LIN52: variants seen among roughly 807,000 people sequenced by gnomAD.
LIN52 encodes lin-52 DREAM MuvB core complex component, also known as protein lin-52 homolog.
In LIN52, 4 loss-of-function variants were observed where a neutral mutation model predicts 18.5. The ratio of observed to expected loss-of-function variants is 0.22; its 90% confidence interval spans 0.11 to 0.49. The LOEUF is 0.49. Among genes scored for constraint, LIN52 ranks in the 20% least tolerant of loss-of-function variants. LIN52 has a pLI of 0.97. For synonymous variants in LIN52, 34 were observed against 45.5 expected, an observed-to-expected ratio of 0.75 and a Z score of 1.02; for missense variants, 102 against 139.5, an observed-to-expected ratio of 0.73 and a Z score of 1.35.
chr14:74,199,119 C>CCACCGAGA lies in LIN52; in HGVS notation c.*142_*143insCACCGAGA. On this transcript the variant is annotated 3_prime_UTR_variant, in exon 6 of 6. Coordinates refer to ENST00000555028, the MANE Select transcript of LIN52 (RefSeq NM_001024674.3). The stretch of plus-strand genomic sequence containing the variant: ...ACTGCCCTCTCCCCTGCTCCTGGCA[C>CCACCGAGA]TCTACACGTCTGAGGACATTCAGCA... 1.6e-6 allele frequency: 1 copy of CCACCGAGA among 609,846 alleles called. No homozygotes were observed. The highest frequency in any genetic ancestry group is 2.0e-5 in the South Asian group (1 of 49,398). The allele number at this position is 609,846 out of a possible 1,614,324, so 37.8% of individuals were successfully genotyped here. A position where few individuals can be genotyped will look rare whatever the true frequency, so the allele number is the denominator to read the frequency against.
At chr14:74,176,687 T>G (rs1421803395) in intron 5 of LIN52, among the ~76,000 whole-genome samples, 1 of 152,204 alleles carries the variant, frequency 6.6e-6, no homozygotes, top group South Asian at 2.1e-4. Flanking sequence ...TATAATCTTA[T>G]GGGACCACCA....
At chr14:74,176,819 A>T (rs2139580705) in intron 5 of LIN52, among the ~76,000 whole-genome samples, 1 of 152,290 alleles carries the variant, frequency 6.6e-6, no homozygotes, top group Admixed American at 6.5e-5. Flanking sequence ...GAAACTCCAT[A>T]TCCATTTGAG....
chr14:74,179,422 G>A (rs2061307395), intron 5 of LIN52, among the ~76,000 whole-genome samples: 1 of 152,116 alleles, frequency 6.6e-6, no homozygotes, highest in South Asian at 2.1e-4. Context: ...CACTTTGGAA[G>A]GCCTAGGCAG....
intron 5 of LIN52, among the ~76,000 whole-genome samples, chr14:74,150,881 C>T (rs184448517): frequency 3.3e-5 from 5 of 152,232 alleles, no homozygotes; most frequent in Admixed American, 6.5e-5. Context: ...CCAACCCTCC[C>T]GCCCCCCTGC....
chr14:74,117,419 A>G (rs2060971594), intron 5 of LIN52, among the ~76,000 whole-genome samples: 1 of 152,132 alleles, frequency 6.6e-6, no homozygotes, highest in Admixed American at 6.6e-5. Context: ...AATGTCTGTC[A>G]ATCTTAAATA....
chr14:74,120,456 TA>T (rs2060992566), intron 5 of LIN52, among the ~76,000 whole-genome samples: 1 of 151,426 alleles, frequency 6.6e-6, no homozygotes. Flanking sequence ...CTGTCTCTAC[TA>T]AAAATACAAA....
At chr14:74,103,503 G>C (rs1403994324) in intron 5 of LIN52, among the ~76,000 whole-genome samples, 1 of 146,774 alleles carries the variant, frequency 6.8e-6, no homozygotes, top group African/African-American at 2.6e-5. Context: ...CATGATCTTG[G>C]CTTACTGCAA....
intron 5 of LIN52, chr14:74,114,053 T>C: frequency 1.4e-6 from 1 of 698,354 alleles, no homozygotes; most frequent in Non-Finnish European, 1.8e-6. Context: ...TGATCTTGGC[T>C]CACTGCAACC....
intron 5 of LIN52, among the ~76,000 whole-genome samples, chr14:74,133,186 C>G (rs1207989866): frequency 6.6e-6 from 1 of 152,188 alleles, no homozygotes; most frequent in African/African-American, 2.4e-5. Context: ...TTGGTAAAAA[C>G]TGTTCTACAT....
At chr14:74,157,038 T>TTC (rs1279257326) in intron 5 of LIN52, among the ~76,000 whole-genome samples, 25 of 149,998 alleles carry the variant, frequency 1.7e-4, no homozygotes, top group Admixed American at 9.3e-4. Context: ...TCTTTTTCTT[T>TTC]TTTTTTTTTT....
At position 74,191,368 on chromosome 14, in the gene LIN52, C is replaced by CGA. The variant is rs1275545888; in HGVS notation, c.284-7554_284-7553insGA. Among the ~76,000 whole-genome samples the CGA allele has an allele frequency of 1.1e-4, 16 of 152,294 alleles. No individual in the cohort carries two copies. The East Asian group carries it at 3.1e-3, about 29-fold the overall frequency. On this transcript the variant is annotated intron_variant, in intron 5 of 5. Coordinates refer to ENST00000555028, the MANE Select transcript of LIN52 (RefSeq NM_001024674.3). ...AGTGTGTGCTCCATGTGACTGCCTTCACTCTTCACCACCCCCTCCATGCTT... is the reference window on the plus strand; with the variant it reads ...AGTGTGTGCTCCATGTGACTGCCTTCGAACTCTTCACCACCCCCTCCATGCTT...
intron 5 of LIN52, among the ~76,000 whole-genome samples, chr14:74,111,111 G>A (rs2060924103): frequency 6.6e-6 from 1 of 152,336 alleles, no homozygotes; most frequent in East Asian, 1.9e-4. Context: ...TCAAGAAGCA[G>A]AAGTTTCCAC....
At chr14:74,180,921 C>T (rs1009273252) in intron 5 of LIN52, among the ~76,000 whole-genome samples, 5 of 151,794 alleles carry the variant, frequency 3.3e-5, no homozygotes, top group African/African-American at 9.7e-5. Flanking sequence ...CCAGCCTGAG[C>T]AACGTAGTGA....
chr14:74,162,388 A>T (rs185674922), intron 5 of LIN52, among the ~76,000 whole-genome samples: 13 of 150,076 alleles, frequency 8.7e-5, no homozygotes, highest in African/African-American at 2.9e-4. Context: ...GGGCAGGAGA[A>T]TCGCTTGAAA....
intron 5 of LIN52, among the ~76,000 whole-genome samples, chr14:74,149,373 T>G (rs553175070): frequency 4.8e-4 from 73 of 152,316 alleles, no homozygotes; most frequent in African/African-American, 1.7e-3. Context: ...CGTAAAGCAA[T>G]TCTCTAAATT....
chr14:74,159,630 G>A (rs540252607), intron 5 of LIN52, among the ~76,000 whole-genome samples: 8 of 151,188 alleles, frequency 5.3e-5, no homozygotes, highest in Middle Eastern at 6.8e-3. Flanking sequence ...TAGAAGCAGT[G>A]GCATGATCTC....
intron 5 of LIN52, among the ~76,000 whole-genome samples, chr14:74,130,566 C>A (rs2061060060): frequency 6.7e-6 from 1 of 150,136 alleles, no homozygotes; most frequent in Non-Finnish European, 1.5e-5. Flanking sequence ...GCATGAGCCA[C>A]CACACCTAGC....
intron 5 of LIN52, among the ~76,000 whole-genome samples, chr14:74,143,598 A>C (rs1310438888): frequency 8.6e-6 from 1 of 116,664 alleles, no homozygotes; most frequent in Non-Finnish European, 1.8e-5. Context: ...TTTAACAAAG[A>C]ATTTACTGTG....
chr14:74,181,107 CAAAA>C (rs149099646), intron 5 of LIN52, among the ~76,000 whole-genome samples: 54,289 of 95,502 alleles, frequency 0.57, 13,580 homozygotes, highest in Admixed American at 0.65. Context: ...GACTCTGTCT[CAAAA>C]AAAAAAAAAA....
Sources: gnomAD v4.1 joint callset for allele counts (sites outside exome capture counted in the v4.1 genomes callset) on GRCh38, gnomAD v4.1.1 for gene constraint, MANE v1.5 for transcripts, NCBI Gene and HGNC (gene_info 2026-07-23, HGNC 2026-07-21) for gene names.